XKR9: variants seen among roughly 807,000 people sequenced by gnomAD.
XKR9 encodes XK-related protein 9.
In XKR9, 32 loss-of-function variants were observed where a neutral mutation model predicts 32.0. The observed-to-expected ratio is 1.00, with a 90% CI of 0.76 to 1.34. XKR9 has a LOEUF of 1.34. Ranked by LOEUF, XKR9 falls within the 40% of genes most tolerant of loss-of-function variation. The pLI is 0.00. For missense variants in XKR9, 546 were observed against 429.7 expected, an observed-to-expected ratio of 1.27 and a Z score of -2.39; for synonymous variants, 168 against 143.4, an observed-to-expected ratio of 1.17 and a Z score of -1.22.
intron 2 of XKR9, among the ~76,000 whole-genome samples, chr8:70,740,968 G>A (rs1028991362): frequency 1.6e-4 from 25 of 152,222 alleles, no homozygotes; most frequent in South Asian, 8.3e-4. Context: ...CTCCAGCTGC[G>A]GGCTGGGAGA....
the XKR9 span, among the ~76,000 whole-genome samples, chr8:70,911,787 G>A: frequency 1.3e-5 from 2 of 152,194 alleles, no homozygotes; most frequent in Non-Finnish European, 2.9e-5. Flanking sequence ...TTGCAGAAGG[G>A]ATAGTCAGAG....
rs1182758458 is a variant in XKR9, at chr8:70,688,627, A to G, written c.272+7297A>G. 2.0e-5 allele frequency among the ~76,000 whole-genome samples: 3 copies of G among 151,924 alleles called. No individual in the cohort carries two copies. The East Asian group carries it at 5.8e-4, about 29-fold the overall frequency. Reference sequence around the variant, plus strand: ...GAGACGGGGTTTCACCATGTTAGCCAGGATGGTCTTGATCTCCTGACCTCG... The same window carrying G: ...GAGACGGGGTTTCACCATGTTAGCCGGGATGGTCTTGATCTCCTGACCTCG... On this transcript the variant is annotated intron_variant, in intron 3 of 4. Transcript: ENST00000408926.
the XKR9 span, among the ~76,000 whole-genome samples, chr8:71,017,587 G>C: frequency 1.3e-5 from 2 of 152,144 alleles, no homozygotes; most frequent in African/African-American, 2.4e-5. Flanking sequence ...CAACTCTAAG[G>C]GGTGTTGATG....
At chr8:70,812,197 A>G in the XKR9 span, among the ~76,000 whole-genome samples, 3 of 152,210 alleles carry the variant, frequency 2.0e-5, no homozygotes, top group African/African-American at 7.2e-5. Flanking sequence ...AAACCACATG[A>G]TTATCTCAAT....
the XKR9 span, among the ~76,000 whole-genome samples, chr8:70,856,427 C>A: frequency 1.5e-4 from 22 of 151,152 alleles, no homozygotes; most frequent in Admixed American, 1.4e-3. Flanking sequence ...AGCTAACTAT[C>A]CTAAATATAT....
chr8:70,835,646 C>A, the XKR9 span, among the ~76,000 whole-genome samples: 1 of 152,054 alleles, frequency 6.6e-6, no homozygotes, highest in Non-Finnish European at 1.5e-5. Flanking sequence ...ATTCCTTGAA[C>A]TACGCTTCTT....
At chr8:71,050,292 G>T in the XKR9 span, among the ~76,000 whole-genome samples, 571 of 71,782 alleles carry the variant, frequency 8.0e-3, 7 homozygotes, top group South Asian at 0.092. Context: ...TATAGATATA[G>T]ATATATATAT....
the XKR9 span, among the ~76,000 whole-genome samples, chr8:70,860,821 C>A: frequency 6.6e-6 from 1 of 151,942 alleles, no homozygotes; most frequent in Non-Finnish European, 1.5e-5. Flanking sequence ...GTGACCTGTG[C>A]AAATTGCCAA....
intron 4 of XKR9, among the ~76,000 whole-genome samples, chr8:70,710,873 A>G (rs903455938): frequency 1.3e-5 from 2 of 152,226 alleles, no homozygotes; most frequent in African/African-American, 4.8e-5. Flanking sequence ...AAATATTTGC[A>G]AACTATGCAT....
chr8:71,046,922 A>G, the XKR9 span, among the ~76,000 whole-genome samples: 14 of 152,352 alleles, frequency 9.2e-5, no homozygotes, highest in Middle Eastern at 3.4e-3. Context: ...TAAAAACTAT[A>G]AAGATGACAT....
the XKR9 span, among the ~76,000 whole-genome samples, chr8:71,059,460 AAAAGTATATC>A: frequency 6.6e-6 from 1 of 152,194 alleles, no homozygotes; most frequent in African/African-American, 2.4e-5. Context: ...GAACCCTGGG[AAAAGTATATC>A]AAAGTGATTC....
intron 4 of XKR9, among the ~76,000 whole-genome samples, chr8:70,716,515 G>A (rs1806094922): frequency 6.6e-6 from 1 of 152,126 alleles, no homozygotes; most frequent in Non-Finnish European, 1.5e-5. Flanking sequence ...AAGAATGAGA[G>A]CCGAATGAAG....
the XKR9 span, among the ~76,000 whole-genome samples, chr8:70,868,207 G>C: frequency 6.6e-6 from 1 of 152,262 alleles, no homozygotes; most frequent in East Asian, 1.9e-4. Flanking sequence ...CCATTCTGGG[G>C]TTTGGGAGAC....
chr8:70,704,702 A>G (rs556014172), intron 3 of XKR9, among the ~76,000 whole-genome samples: 1 of 152,150 alleles, frequency 6.6e-6, no homozygotes, highest in Non-Finnish European at 1.5e-5. Context: ...ATACTTGTGA[A>G]TTTCTCAAGT....
chr8:70,813,386 G>T, the XKR9 span, among the ~76,000 whole-genome samples: 5 of 152,136 alleles, frequency 3.3e-5, no homozygotes, highest in Admixed American at 2.0e-4. Flanking sequence ...CATGCGCAAG[G>T]TCTTCATGAA....
the XKR9 span, among the ~76,000 whole-genome samples, chr8:70,963,034 A>G: frequency 0.32 from 48,438 of 152,046 alleles, 9,044 homozygotes; most frequent in Non-Finnish European, 0.43. Flanking sequence ...ATAGGTAAAC[A>G]TGTGCCTTGG....
chr8:70,815,376 T>C, the XKR9 span, among the ~76,000 whole-genome samples: 1 of 152,140 alleles, frequency 6.6e-6, no homozygotes, highest in Non-Finnish European at 1.5e-5. Flanking sequence ...TACGTGTCCA[T>C]GTGTTCTAAT....
the XKR9 span, among the ~76,000 whole-genome samples, chr8:71,005,561 A>T: frequency 3.0e-3 from 458 of 152,254 alleles, 1 homozygote; most frequent in African/African-American, 0.01. Context: ...ACTGAGCCAG[A>T]TTTCTAAATG....
the XKR9 span, among the ~76,000 whole-genome samples, chr8:70,985,482 A>G: frequency 1.3e-5 from 2 of 152,314 alleles, no homozygotes; most frequent in Admixed American, 6.5e-5. Flanking sequence ...CTTAGGTGAC[A>G]TCATCACAAT....
Sources: gnomAD v4.1 joint callset for allele counts (sites outside exome capture counted in the v4.1 genomes callset) on GRCh38, gnomAD v4.1.1 for gene constraint, MANE v1.5 for transcripts, NCBI Gene and HGNC (gene_info 2026-07-23, HGNC 2026-07-21) for gene names.